Variants in LRIF1 observed in about 807,000 individuals in gnomAD.
LRIF1 encodes the protein ligand-dependent nuclear receptor-interacting factor 1.
Under a neutral mutation model 52.7 loss-of-function variants are expected in LRIF1, and 32 were observed. The ratio of observed to expected loss-of-function variants is 0.61; its 90% confidence interval spans 0.46 to 0.82. The LOEUF (loss-of-function observed/expected upper bound fraction) is 0.82, where lower values mean the gene tolerates loss of function less well. LRIF1 is among the 40% of genes least tolerant of loss of function. LRIF1 has a pLI of 0.00. For synonymous variants in LRIF1, 323 were observed against 317.4 expected, an observed-to-expected ratio of 1.02 and a Z score of -0.19; for missense variants, 887 against 892.0, an observed-to-expected ratio of 0.99 and a Z score of 0.07.
At chr1:110,942,734 A>G (rs924192013), downstream of LRIF1, among the ~76,000 whole-genome samples, 1 of 152,146 alleles carries the variant, frequency 6.6e-6, no homozygotes, top group African/African-American at 2.4e-5. Flanking sequence ...TGAATTTATC[A>G]TTAACTAAGA....
At chr1:110,930,999 T>A in the LRIF1 span, among the ~76,000 whole-genome samples, 3 of 152,122 alleles carry the variant, frequency 2.0e-5, no homozygotes, top group South Asian at 6.2e-4. Context: ...TTTTTTTTTT[T>A]AATACTTTAA....
chr1:110,897,888 T>C, the LRIF1 span: 1 of 1,594,364 alleles, frequency 6.3e-7, no homozygotes, highest in Non-Finnish European at 8.6e-7. Context: ...GTATGTGTGA[T>C]TGAGGTAAGA....
chr1:110,951,006 C>T (rs1658447590), intron 2 of LRIF1, among the ~76,000 whole-genome samples: 1 of 152,136 alleles, frequency 6.6e-6, no homozygotes, highest in Non-Finnish European at 1.5e-5. Flanking sequence ...TTCCCCAACT[C>T]TTCTAAACCT....
At chr1:110,916,703 T>C in the LRIF1 span, among the ~76,000 whole-genome samples, 16 of 152,076 alleles carry the variant, frequency 1.1e-4, 1 homozygote, top group Non-Finnish European at 5.9e-5. Flanking sequence ...CTCTAAAACA[T>C]AAAGATACTG....
rs549666110 is a variant in LRIF1 at position 110,960,308 on chromosome 1, AGTAT to A, written c.68+3309_68+3312del. Among the ~76,000 whole-genome samples, 374 of 152,268 alleles carry A rather than the reference AGTAT, an allele frequency of 2.5e-3. 1 individual carries two copies. The highest frequency in any genetic ancestry group is 8.7e-3 in the African/African-American group (362 of 41,536). On this transcript the variant is annotated intron_variant, in intron 1 of 3. Transcript: ENST00000369763. ...ATGACAGATTTCATTTAGACTCTAT[AGTAT>A]GTGTGTCTGTCTCTCCCTCACACAC...
rs746184153 is a variant in LRIF1 at position 110,952,687 on chromosome 1, T to C, written c.197A>G (p.Asp66Gly). 1.2e-6 allele frequency: 2 copies of C among 1,614,094 alleles called. No homozygotes were observed. The highest frequency in any genetic ancestry group is 1.7e-6 in the Non-Finnish European group (2 of 1,179,980). The part of the protein sequence containing the change: ...IPLVQSSVMS[D>G]ALKGNTGKPV... ...TTTTCCTGTATTCCCTTTCAAAGCATCAGACATGACTGAAGATTGAACTAG... is the reference window on the plus strand; with the variant it reads ...TTTTCCTGTATTCCCTTTCAAAGCACCAGACATGACTGAAGATTGAACTAG... Residue 66 changes from aspartate (D) to glycine (G), a missense_variant, in exon 2 of 4, where the codon GAT becomes GGT. Asp to Gly is a moderately conservative substitution (Grantham distance 94, BLOSUM62 -1). Transcript: ENST00000369763.
the LRIF1 span, among the ~76,000 whole-genome samples, chr1:110,893,614 G>A: frequency 1.8e-4 from 28 of 152,298 alleles, no homozygotes; most frequent in East Asian, 5.8e-4. Context: ...AAGCCACTGC[G>A]CCCAGTCTGT....
the LRIF1 span, among the ~76,000 whole-genome samples, chr1:110,924,489 A>C: frequency 6.6e-6 from 1 of 152,220 alleles, no homozygotes; most frequent in Non-Finnish European, 1.5e-5. Context: ...CTTCTTCACA[A>C]GGTGGCATGA....
the LRIF1 span, chr1:110,896,771 T>G: frequency 6.5e-7 from 1 of 1,535,454 alleles, no homozygotes; most frequent in African/African-American, 1.4e-5. Context: ...TTGACCTCTT[T>G]GTTTAAATGT....
chr1:110,952,480 A>G lies in LRIF1; in HGVS notation c.404T>C (p.Val135Ala). 1 of 1,613,274 alleles carries G rather than the reference A, an allele frequency of 6.2e-7. No homozygotes were observed. The highest frequency in any genetic ancestry group is 8.5e-7 in the Non-Finnish European group (1 of 1,179,294). ...ATCAATTTTCACACCATGACTCTGA[A>G]CTTTAGAAACTGATGAAGAAAAATT... ...TGNFSSSVSK[V>A]QSHGVKIDGL... The change falls in exon 2 of 4, where the codon GTT becomes GCT. Residue 135 changes from valine to alanine, a missense_variant. Coordinates refer to ENST00000369763, the MANE Select transcript of LRIF1 (RefSeq NM_018372.4).
the LRIF1 span, among the ~76,000 whole-genome samples, chr1:110,932,613 G>A: frequency 2.6e-5 from 4 of 152,162 alleles, no homozygotes; most frequent in African/African-American, 9.7e-5. Flanking sequence ...TCCTATCCAT[G>A]AGCATGTAAT....
At chr1:110,875,339 G>C in the LRIF1 span, among the ~76,000 whole-genome samples, 3 of 152,184 alleles carry the variant, frequency 2.0e-5, no homozygotes, top group African/African-American at 7.2e-5. Context: ...CCTAGGTCCA[G>C]CTCTGGGTGG....
the LRIF1 span, chr1:110,938,847 A>C: frequency 1.3e-5 from 2 of 152,222 alleles, no homozygotes; most frequent in African/African-American, 4.8e-5. Flanking sequence ...ACTAATTTAA[A>C]AAATCAGTAA....
chr1:110,948,853 T>C lies in LRIF1; in HGVS notation c.1870-454A>G, dbSNP rs1408012852. On this transcript the variant is annotated intron_variant, in intron 3 of 3. Coordinates refer to ENST00000369763, the MANE Select transcript of LRIF1 (RefSeq NM_018372.4). ...ATAACAGTAGGCAAAGTTATAGACA[T>C]TTCTTTTTATCATTATTAGCTATAT... Among the ~76,000 whole-genome samples the C allele has an allele frequency of 3.9e-5, 6 of 152,188 alleles. No individual in the cohort carries two copies. The South Asian group carries it at 8.3e-4, about 21-fold the overall frequency.
the LRIF1 span, among the ~76,000 whole-genome samples, chr1:110,900,767 A>C: frequency 7.7e-5 from 11 of 143,712 alleles, no homozygotes; most frequent in African/African-American, 2.3e-4. Flanking sequence ...AAAAAAAAAC[A>C]AAAAAAAAAG....
the LRIF1 span, chr1:110,940,043 G>A: frequency 2.0e-5 from 3 of 152,062 alleles, no homozygotes; most frequent in Non-Finnish European, 4.4e-5. Context: ...ACAAAGTGAA[G>A]AGACAACCTC....
At chr1:110,922,315 A>C in the LRIF1 span, among the ~76,000 whole-genome samples, 33 of 152,226 alleles carry the variant, frequency 2.2e-4, no homozygotes, top group Non-Finnish European at 4.3e-4. Flanking sequence ...TTCCTTACAA[A>C]GGATGAGTTC....
the LRIF1 span, among the ~76,000 whole-genome samples, chr1:110,876,019 G>C: frequency 1.2e-4 from 18 of 152,076 alleles, no homozygotes; most frequent in African/African-American, 4.1e-4. Flanking sequence ...TATTGTAAAA[G>C]AAAATATGAC....
the LRIF1 span, chr1:110,894,508 A>G: frequency 6.0e-6 from 5 of 832,726 alleles, no homozygotes; most frequent in African/African-American, 8.4e-5. Context: ...AGAGATAGAA[A>G]TGAAGTGGAA....
Sources: gnomAD v4.1 joint callset for allele counts (sites outside exome capture counted in the v4.1 genomes callset) on GRCh38, gnomAD v4.1.1 for gene constraint, MANE v1.5 for transcripts, NCBI Gene and HGNC (gene_info 2026-07-23, HGNC 2026-07-21) for gene names.